CCDC93: variants seen among roughly 807,000 people sequenced by gnomAD.
CCDC93 encodes the protein CCC complex scaffolding subunit CCDC93, also known as coiled-coil domain-containing protein 93.
A neutral mutation model predicts 108.2 loss-of-function variants in CCDC93; 61 were observed. The observed-to-expected ratio is 0.56, with a 90% CI of 0.46 to 0.70. The LOEUF (loss-of-function observed/expected upper bound fraction) is 0.70, where lower values mean the gene tolerates loss of function less well. CCDC93 is among the 30% of genes least tolerant of loss of function. CCDC93 has a pLI of 0.00. For missense variants in CCDC93, 685 were observed against 764.2 expected (o/e 0.90, Z 1.22); for synonymous variants, 276 against 260.4 (o/e 1.06, Z -0.58).
At chr2:118,000,783 GA>G (rs757528277) in intron 4 of CCDC93, 37 bp downstream of exon 4, 7 of 1,338,924 alleles carry the variant, frequency 5.2e-6, no homozygotes, top group Admixed American at 1.7e-5. Flanking sequence ...CAGGAATTCT[GA>G]TGTTAAGAGG....
intron 23 of CCDC93, among the ~76,000 whole-genome samples, chr2:117,926,835 A>C (rs1268190130): frequency 2.0e-5 from 3 of 152,198 alleles, no homozygotes; most frequent in Non-Finnish European, 4.4e-5. Context: ...ATTTTAGACC[A>C]ATATCCCTGA....
At chr2:118,007,380 A>G (rs897725070) in intron 2 of CCDC93, among the ~76,000 whole-genome samples, 1 of 152,232 alleles carries the variant, frequency 6.6e-6, no homozygotes, top group Non-Finnish European at 1.5e-5. Context: ...TTAGAAAAAA[A>G]TAACAATAAG....
intron 4 of CCDC93, chr2:117,997,029 A>G (rs1229157667): frequency 6.6e-6 from 1 of 152,230 alleles, no homozygotes; most frequent in Non-Finnish European, 1.5e-5. Context: ...AGACTATATA[A>G]CTTACTCATG....
intron 7 of CCDC93, among the ~76,000 whole-genome samples, chr2:117,980,203 T>C (rs1477802476): frequency 1.3e-5 from 2 of 152,224 alleles, no homozygotes; most frequent in Non-Finnish European, 2.9e-5. Context: ...GAGCTGACCC[T>C]GGCTCAGCCT....
At chr2:117,968,424 C>T (rs1679657543) in intron 11 of CCDC93, among the ~76,000 whole-genome samples, 2 of 152,180 alleles carry the variant, frequency 1.3e-5, no homozygotes, top group South Asian at 4.1e-4. Flanking sequence ...TCTTGTAGCA[C>T]ATTCAGGGAA....
At chr2:118,011,676 CA>C (rs934419685) in intron 1 of CCDC93, among the ~76,000 whole-genome samples, 6 of 149,674 alleles carry the variant, frequency 4.0e-5, no homozygotes, top group Admixed American at 3.3e-4. Context: ...CAAAAAAAAC[CA>C]AAAAAAAATA....
rs757310510 is a variant in CCDC93, at chr2:117,979,796, A to C, written c.621-1766T>G. On this transcript the variant is annotated intron_variant, in intron 7 of 23. Transcript: ENST00000376300. ...TATGGCAGATTCTGTGGACTGGCTT[A>C]ATATCTATTGCATCTTCTAGTACTG... Among the ~76,000 whole-genome samples the C allele has an allele frequency of 2.0e-5, 3 of 152,216 alleles. No individual in the cohort carries two copies. In the South Asian group the frequency reaches 6.2e-4, roughly 31 times the overall value.
intron 20 of CCDC93, among the ~76,000 whole-genome samples, chr2:117,937,897 C>T (rs1678572841): frequency 6.6e-6 from 1 of 152,142 alleles, no homozygotes; most frequent in African/African-American, 2.4e-5. Context: ...GGAGCACCCT[C>T]TAGGATGACA....
At position 118,014,054 on chromosome 2, in the gene CCDC93, G is replaced by C; in HGVS notation, c.-59C>G. ...GCCCGCCAAGCGTCCGGAGGAAGCT[G>C]TCCCTGCCGCGGAGCTGCTACCGGG... On this transcript the variant is annotated 5_prime_UTR_variant, in exon 1 of 24. Coordinates refer to ENST00000376300, the MANE Select transcript of CCDC93 (RefSeq NM_019044.5). 1 of 1,568,362 alleles carries C rather than the reference G, an allele frequency of 6.4e-7. No homozygotes were observed. Among genetic ancestry groups the C allele is most frequent in the Non-Finnish European group, 8.6e-7 (1 of 1,157,392 alleles).
chr2:118,008,860 C>T (rs1193312312), intron 1 of CCDC93: 1 of 541,170 alleles, frequency 1.8e-6, no homozygotes, highest in African/African-American at 1.9e-5. Context: ...GTCCGCGGTC[C>T]TCAACGGGCT....
intron 11 of CCDC93, 66 bp downstream of exon 11, chr2:117,973,842 G>C: frequency 8.1e-7 from 1 of 1,239,032 alleles, no homozygotes; most frequent in Non-Finnish European, 1.2e-6. Context: ...AGTGGGGTAA[G>C]GAAGTGGGAG....
intron 2 of CCDC93, among the ~76,000 whole-genome samples, chr2:118,007,510 G>A (rs6542421): frequency 0.97 from 147,587 of 152,228 alleles, 71,730 homozygotes; most frequent in Middle Eastern, 1. Context: ...CTCTACTAAA[G>A]ATGCAAAAAT....
intron 23 of CCDC93, among the ~76,000 whole-genome samples, chr2:117,926,496 C>T (rs545467324): frequency 1.6e-3 from 237 of 152,174 alleles, no homozygotes; most frequent in Non-Finnish European, 2.4e-3. Flanking sequence ...AACACCTCTA[C>T]GCAAATAAAC....
chr2:117,962,419 G>A (rs1679427111), intron 11 of CCDC93, among the ~76,000 whole-genome samples: 1 of 152,190 alleles, frequency 6.6e-6, no homozygotes, highest in Non-Finnish European at 1.5e-5. Context: ...CAAGGTGAGT[G>A]GATCACTTGA....
chr2:117,975,314 G>T, intron 8 of CCDC93, 34 bp from the exon 9 acceptor site: 1 of 1,467,544 alleles, frequency 6.8e-7, no homozygotes, highest in Non-Finnish European at 9.5e-7. Flanking sequence ...GCTGAGCACG[G>T]GAGATGGAGA....
At chr2:117,928,207 A>G (rs980994635) in intron 23 of CCDC93, among the ~76,000 whole-genome samples, 111 of 152,362 alleles carry the variant, frequency 7.3e-4, no homozygotes, top group Admixed American at 2.6e-4. Flanking sequence ...ATGGGCAAGG[A>G]CTTCATGTCT....
intron 23 of CCDC93, among the ~76,000 whole-genome samples, chr2:117,930,443 C>G (rs1678288199): frequency 6.6e-6 from 1 of 152,162 alleles, no homozygotes; most frequent in Admixed American, 6.5e-5. Context: ...GAAGGAAAAA[C>G]AGGGAAAACC....
intron 6 of CCDC93, 87 bp from the exon 7 acceptor site, chr2:117,986,156 T>TTA: frequency 2.3e-5 from 13 of 558,040 alleles, no homozygotes; most frequent in East Asian, 3.3e-5. Context: ...ATGGGGTATA[T>TTA]TCTCTTTTTT....
chr2:117,962,735 G>C (rs749762603), intron 11 of CCDC93, among the ~76,000 whole-genome samples: 1 of 152,118 alleles, frequency 6.6e-6, no homozygotes, highest in East Asian at 1.9e-4. Context: ...GTTAAATTTC[G>C]GAAGGCCAAA....
Sources: allele counts gnomAD v4.1 joint callset (sites outside exome capture counted in the v4.1 genomes callset), GRCh38; gene constraint gnomAD v4.1.1; transcripts MANE v1.5; gene names NCBI Gene and HGNC (gene_info 2026-07-23, HGNC 2026-07-21).